NPHP1: variants seen among roughly 807,000 people sequenced by gnomAD.
NPHP1 encodes nephrocystin 1, also known as nephrocystin-1.
In NPHP1, 70 loss-of-function variants were observed where a neutral mutation model predicts 90.4. The observed-to-expected ratio is 0.77, with a 90% CI of 0.64 to 0.95. The LOEUF (loss-of-function observed/expected upper bound fraction) is 0.95, where lower values mean the gene tolerates loss of function less well. Ranked by LOEUF, NPHP1 falls within the 40% of genes least tolerant of loss-of-function variation. NPHP1 has a pLI of 0.00. For synonymous variants in NPHP1, 256 were observed against 271.7 expected, an observed-to-expected ratio of 0.94 and a Z score of 0.57; for missense variants, 764 against 795.9, an observed-to-expected ratio of 0.96 and a Z score of 0.48.
chr2:110,197,603 G>C (rs1182797728), intron 2 of NPHP1, among the ~76,000 whole-genome samples: 1 of 152,088 alleles, frequency 6.6e-6, no homozygotes, highest in African/African-American at 2.4e-5. Context: ...TCCTACATCT[G>C]CTCTTAGATA....
At chr2:110,172,983 G>T (rs1158209115) in intron 4 of NPHP1, among the ~76,000 whole-genome samples, 4 of 135,804 alleles carry the variant, frequency 2.9e-5, no homozygotes, top group Non-Finnish European at 3.0e-5. Context: ...TTTTTGAGAC[G>T]GTGTCTCATT....
chr2:110,176,612 G>A (rs1046929918), intron 4 of NPHP1, among the ~76,000 whole-genome samples: 1 of 152,088 alleles, frequency 6.6e-6, no homozygotes, highest in Non-Finnish European at 1.5e-5. Context: ...ATGTTACACA[G>A]TTAAATTATC....
intron 11 of NPHP1, among the ~76,000 whole-genome samples, chr2:110,152,054 T>G (rs1362517831): frequency 6.6e-6 from 1 of 152,168 alleles, no homozygotes; most frequent in Admixed American, 6.5e-5. Context: ...AGAGGGTGAA[T>G]GACTGGCTTA....
rs1260958771 is a variant in NPHP1, at chr2:110,144,479, C to T, written c.1429+14G>A. ...AATCTTTAAGGAAAGGAAGACAACA[C>T]ATGAGAGCCATACCTCTTCTGGATA... On this transcript the variant is annotated intron_variant, in intron 15 of 19. Transcript: ENST00000445609. The T allele has an allele frequency of 1.3e-5, 20 of 1,545,198 alleles. No individual in the cohort carries two copies. The East Asian group carries it at 4.0e-4, about 31-fold the overall frequency.
intron 16 of NPHP1, among the ~76,000 whole-genome samples, chr2:110,132,204 G>T (rs1574061701): frequency 6.6e-6 from 1 of 152,160 alleles, no homozygotes; most frequent in East Asian, 1.9e-4. Flanking sequence ...GTGGAACATG[G>T]GAGGGTGTGA....
intron 1 of NPHP1, among the ~76,000 whole-genome samples, chr2:110,201,916 T>G (rs1167848483): frequency 1.3e-5 from 2 of 152,156 alleles, no homozygotes; most frequent in African/African-American, 4.8e-5. Flanking sequence ...CCCTAGTAAG[T>G]TCCCTCATGC....
intron 2 of NPHP1, among the ~76,000 whole-genome samples, chr2:110,195,354 T>C (rs1240149376): frequency 2.0e-5 from 3 of 152,092 alleles, no homozygotes; most frequent in Non-Finnish European, 4.4e-5. Flanking sequence ...AGCATTCTTA[T>C]ATACCAATAA....
chr2:110,177,786 C>T (rs1453072752), intron 4 of NPHP1, among the ~76,000 whole-genome samples: 2 of 151,898 alleles, frequency 1.3e-5, no homozygotes, highest in African/African-American at 4.8e-5. Flanking sequence ...ACTCCGTTGC[C>T]CAGGCTGTGC....
At chr2:110,193,049 A>G (rs1489072809) in intron 2 of NPHP1, among the ~76,000 whole-genome samples, 1 of 152,168 alleles carries the variant, frequency 6.6e-6, no homozygotes, top group Non-Finnish European at 1.5e-5. Context: ...CCACTGCAAA[A>G]ACATGCCAGA....
intron 16 of NPHP1, among the ~76,000 whole-genome samples, chr2:110,142,609 C>T (rs1680728666): frequency 6.6e-6 from 1 of 152,064 alleles, no homozygotes; most frequent in Non-Finnish European, 1.5e-5. Flanking sequence ...ACCTCCACCT[C>T]CCAAAGTGCT....
chr2:110,164,498 A>C, intron 8 of NPHP1, 190 bp downstream of exon 8: 1 of 1,235,856 alleles, frequency 8.1e-7, no homozygotes, highest in East Asian at 2.3e-5. Flanking sequence ...AAAAAAAAAA[A>C]AAAACTAATG....
chr2:110,171,140 G>T (rs1377822509), intron 4 of NPHP1, among the ~76,000 whole-genome samples: 2 of 152,140 alleles, frequency 1.3e-5, no homozygotes, highest in South Asian at 4.1e-4. Flanking sequence ...TAGGGATGAA[G>T]AGAAAGGAGG....
At chr2:110,168,404 C>CAAA (rs576045152) in intron 6 of NPHP1, 48 bp downstream of exon 6, 7 of 1,070,288 alleles carry the variant, frequency 6.5e-6, no homozygotes, top group Non-Finnish European at 9.9e-6. Flanking sequence ...TTATTAAAAG[C>CAAA]GAAAAAAAAA....
intron 17 of NPHP1, 104 bp from the exon 18 acceptor site, chr2:110,129,363 T>A: frequency 3.4e-6 from 3 of 884,792 alleles, no homozygotes; most frequent in Non-Finnish European, 5.6e-6. Context: ...TGCCAAATGA[T>A]TTGTTGATAA....
intron 14 of NPHP1, among the ~76,000 whole-genome samples, chr2:110,144,995 TA>T (rs904677678): frequency 6.6e-6 from 1 of 152,130 alleles, no homozygotes; most frequent in Non-Finnish European, 1.5e-5. Context: ...TAGATTATTA[TA>T]AAAAGTTTGA....
At chr2:110,190,232 G>A (rs1046280945) in intron 2 of NPHP1, among the ~76,000 whole-genome samples, 2 of 152,172 alleles carry the variant, frequency 1.3e-5, no homozygotes, top group African/African-American at 2.4e-5. Flanking sequence ...CCGTGCGCCC[G>A]CACTCCTCAG....
intron 15 of NPHP1, chr2:110,144,080 C>T (rs1394899948): frequency 3.2e-5 from 10 of 310,244 alleles, no homozygotes; most frequent in Non-Finnish European, 3.1e-5. Flanking sequence ...TCTTGCTCTT[C>T]ATTCTCCCAT....
intron 4 of NPHP1, among the ~76,000 whole-genome samples, chr2:110,170,611 C>A (rs868625257): frequency 1.3e-5 from 2 of 152,010 alleles, no homozygotes; most frequent in Non-Finnish European, 2.9e-5. Flanking sequence ...GACATGATTC[C>A]CCATCCTCAA....
chr2:110,137,621 T>G (rs942508155), intron 16 of NPHP1, among the ~76,000 whole-genome samples: 1 of 152,114 alleles, frequency 6.6e-6, no homozygotes, highest in Non-Finnish European at 1.5e-5. Context: ...AAAACCACAA[T>G]GAGATACCAT....
Sources: gnomAD v4.1 joint callset for allele counts (sites outside exome capture counted in the v4.1 genomes callset) on GRCh38, gnomAD v4.1.1 for gene constraint, MANE v1.5 for transcripts, NCBI Gene and HGNC (gene_info 2026-07-23, HGNC 2026-07-21) for gene names.